Variants in COL24A1 observed in about 807,000 individuals in gnomAD.
COL24A1 encodes the protein collagen type XXIV alpha 1 chain.
COL24A1 carries 224 observed loss-of-function variants against 253.9 expected under a neutral mutation model. The observed-to-expected ratio is 0.88, with a 90% CI of 0.79 to 0.99. The LOEUF (loss-of-function observed/expected upper bound fraction) is 0.99, where lower values mean the gene tolerates loss of function less well. Among genes scored for constraint, COL24A1 ranks in the 50% least tolerant of loss-of-function variants. COL24A1 has a pLI of 0.00. For missense variants in COL24A1, 2,131 were observed against 2,068.5 expected, an observed-to-expected ratio of 1.03 and a Z score of -0.59; for synonymous variants, 685 against 673.7, an observed-to-expected ratio of 1.02 and a Z score of -0.26.
intron 2 of COL24A1, among the ~76,000 whole-genome samples, chr1:86,137,479 G>T (rs1307447056): frequency 6.6e-6 from 1 of 152,108 alleles, no homozygotes; most frequent in Non-Finnish European, 1.5e-5. Context: ...ACCCAGCTAG[G>T]GAGTGCAGAG....
chr1:85,779,752 A>AT (rs1200552511), intron 52 of COL24A1, among the ~76,000 whole-genome samples: 1 of 152,010 alleles, frequency 6.6e-6, no homozygotes, highest in Non-Finnish European at 1.5e-5. Context: ...ATTTCTTTGT[A>AT]TTACCATATA....
chr1:85,804,086 T>C (rs138901010), intron 47 of COL24A1, among the ~76,000 whole-genome samples: 2 of 152,250 alleles, frequency 1.3e-5, no homozygotes, highest in African/African-American at 4.8e-5. Flanking sequence ...GTATTGGTTA[T>C]CAAATAGCTT....
intron 27 of COL24A1, among the ~76,000 whole-genome samples, chr1:85,908,171 A>G (rs1344211269): frequency 6.6e-6 from 1 of 151,786 alleles, no homozygotes; most frequent in Non-Finnish European, 1.5e-5. Context: ...AAACAAATGG[A>G]ATATTTTCAA....
At chr1:85,872,072 C>T (rs11161694) in intron 35 of COL24A1, among the ~76,000 whole-genome samples, 29,428 of 151,996 alleles carry the variant, frequency 0.19, 3,207 homozygotes, top group Non-Finnish European at 0.24. Flanking sequence ...ACAGCCAAAT[C>T]ATGAGTGAAC....
At chr1:86,075,144 G>T (rs1702159570) in intron 7 of COL24A1, among the ~76,000 whole-genome samples, 1 of 152,002 alleles carries the variant, frequency 6.6e-6, no homozygotes, top group African/African-American at 2.4e-5. Context: ...TAGACCACTA[G>T]CCAGACTAAC....
At chr1:85,938,706 T>C (rs1462716812) in intron 24 of COL24A1, among the ~76,000 whole-genome samples, 1 of 145,990 alleles carries the variant, frequency 6.8e-6, no homozygotes, top group Non-Finnish European at 1.5e-5. Flanking sequence ...AGGAAGAACT[T>C]GTGTGGCCCA....
intron 5 of COL24A1, among the ~76,000 whole-genome samples, chr1:86,097,756 T>A (rs988711109): frequency 1.3e-5 from 2 of 151,916 alleles, no homozygotes; most frequent in Admixed American, 1.3e-4. Flanking sequence ...GGACGTTATC[T>A]GCATTCATCC....
intron 24 of COL24A1, among the ~76,000 whole-genome samples, chr1:85,950,333 A>G (rs902644741): frequency 2.6e-5 from 4 of 152,234 alleles, no homozygotes; most frequent in Admixed American, 1.3e-4. Flanking sequence ...GATGCAAAAC[A>G]TATTACGGAT....
chr1:85,834,377 C>T (rs1401596742), intron 43 of COL24A1, among the ~76,000 whole-genome samples: 1 of 152,026 alleles, frequency 6.6e-6, no homozygotes, highest in East Asian at 1.9e-4. Context: ...CTGGTTTAGA[C>T]ATCTGAATGG....
At chr1:85,987,558 G>C in intron 20 of COL24A1, 43 bp downstream of exon 20, 1 of 1,531,784 alleles carries the variant, frequency 6.5e-7, no homozygotes, top group South Asian at 1.2e-5. Flanking sequence ...AGGAGCTCTA[G>C]ATAACCATAA....
At chr1:85,923,614 GA>G (rs1223869232) in intron 24 of COL24A1, among the ~76,000 whole-genome samples, 1 of 152,140 alleles carries the variant, frequency 6.6e-6, no homozygotes, top group African/African-American at 2.4e-5. Flanking sequence ...GATGTTCTTT[GA>G]AACCAATGAG....
intron 53 of COL24A1, among the ~76,000 whole-genome samples, chr1:85,764,223 C>G (rs1328845907): frequency 1.3e-5 from 2 of 151,974 alleles, no homozygotes; most frequent in Non-Finnish European, 2.9e-5. Flanking sequence ...ACATCTCATT[C>G]TTTTCCCCCA....
At chr1:85,880,270 C>T (rs1681674826) in intron 32 of COL24A1, among the ~76,000 whole-genome samples, 1 of 151,986 alleles carries the variant, frequency 6.6e-6, no homozygotes. Context: ...TTTTTTGGTG[C>T]TAATGTAAAT....
intron 32 of COL24A1, among the ~76,000 whole-genome samples, chr1:85,888,559 A>C (rs1682772952): frequency 6.6e-6 from 1 of 152,066 alleles, no homozygotes; most frequent in Non-Finnish European, 1.5e-5. Flanking sequence ...TGCTAAAGAG[A>C]GTTGCATTAT....
chr1:85,908,999 G>T (rs1452670590), intron 26 of COL24A1, among the ~76,000 whole-genome samples: 1 of 151,654 alleles, frequency 6.6e-6, no homozygotes. Context: ...ATGGATATAT[G>T]TTGTGTTATA....
At position 86,044,368 on chromosome 1, in the gene COL24A1, A is replaced by G. The variant is rs190106081; in HGVS notation, c.1950+2457T>C. On this transcript the variant is annotated intron_variant, in intron 12 of 59. Coordinates refer to ENST00000370571, the MANE Select transcript of COL24A1 (RefSeq NM_152890.7). ...GCTATAACTGTATTTTATTCTAAGT[A>G]TTCACATTTTCCTTATAAATATAGA... Among the ~76,000 whole-genome samples, 329 of 152,324 alleles carry G rather than the reference A, an allele frequency of 2.2e-3. 2 individuals are homozygous for G. Among genetic ancestry groups the G allele is most frequent in the Non-Finnish European group, 3.4e-3 (229 of 68,002 alleles).
At chr1:85,828,368 G>A (rs1674685905) in intron 43 of COL24A1, among the ~76,000 whole-genome samples, 1 of 151,468 alleles carries the variant, frequency 6.6e-6, no homozygotes, top group Admixed American at 6.6e-5. Flanking sequence ...TGGAATAGGT[G>A]TGGTGTGGTG....
chr1:85,743,256 T>A (rs1664846565), intron 57 of COL24A1, among the ~76,000 whole-genome samples: 1 of 152,118 alleles, frequency 6.6e-6, no homozygotes, highest in Non-Finnish European at 1.5e-5. Flanking sequence ...CTATATGCAC[T>A]CTCTTCCATT....
Position 85,868,853 on chromosome 1 carries a change from G to T in COL24A1, c.3139-18C>A, listed in dbSNP as rs527804863. 3.6e-4 allele frequency: 555 copies of T among 1,547,196 alleles called. 10 individuals carry two copies. The South Asian group carries it at 5.8e-3, about 16-fold the overall frequency. Reference sequence around the variant, plus strand: ...GGTTCACCCTATTTTGTAGCAGAAAGAGTATGATTGAGTTTTTTTTTGCTA... The same window carrying T: ...GGTTCACCCTATTTTGTAGCAGAAATAGTATGATTGAGTTTTTTTTTGCTA... On this transcript the variant is annotated intron_variant, in intron 35 of 59. Coordinates refer to ENST00000370571, the MANE Select transcript of COL24A1 (RefSeq NM_152890.7).
Sources: allele counts gnomAD v4.1 joint callset (sites outside exome capture counted in the v4.1 genomes callset), GRCh38; gene constraint gnomAD v4.1.1; transcripts MANE v1.5; gene names NCBI Gene and HGNC (gene_info 2026-07-23, HGNC 2026-07-21).